ZHX3: variants seen among roughly 807,000 people sequenced by gnomAD.
ZHX3 encodes zinc fingers and homeoboxes 3.
ZHX3 carries 20 observed loss-of-function variants against 64.5 expected under a neutral mutation model. The ratio of observed to expected loss-of-function variants is 0.31; its 90% CI spans 0.22 to 0.45. The LOEUF (loss-of-function observed/expected upper bound fraction) is 0.45, where lower values mean the gene tolerates loss of function less well. Ranked by LOEUF, ZHX3 falls within the 20% of genes least tolerant of loss-of-function variation. The pLI, the probability that ZHX3 is intolerant of heterozygous loss-of-function variation, is 1.00. For missense variants in ZHX3, 1,041 were observed against 1,195.8 expected, an observed-to-expected ratio of 0.87 and a Z score of 1.91; for synonymous variants, 423 against 461.6, an observed-to-expected ratio of 0.92 and a Z score of 1.07.
chr20:41,295,477 G>GA (rs2044462093), intron 1 of ZHX3, among the ~76,000 whole-genome samples: 1 of 152,012 alleles, frequency 6.6e-6, no homozygotes, highest in South Asian at 2.1e-4. Flanking sequence ...TAGGAAAAAA[G>GA]AAAATCCAAG....
chr20:41,268,066 C>T (rs955952680), intron 2 of ZHX3, among the ~76,000 whole-genome samples: 1 of 152,200 alleles, frequency 6.6e-6, no homozygotes, highest in Non-Finnish European at 1.5e-5. Flanking sequence ...CACCACAAGA[C>T]AGAAAGTTCC....
At chr20:41,301,392 T>A (rs1359398738) in intron 1 of ZHX3, among the ~76,000 whole-genome samples, 3 of 152,300 alleles carry the variant, frequency 2.0e-5, no homozygotes, top group African/African-American at 7.2e-5. Context: ...AGAATCTTAA[T>A]GCCTTGCTAT....
chr20:41,207,270 C>T (rs1440492190), intron 2 of ZHX3, among the ~76,000 whole-genome samples: 2 of 152,146 alleles, frequency 1.3e-5, no homozygotes, highest in Admixed American at 6.5e-5. Flanking sequence ...CAGCTAACAT[C>T]ATAATGACAG....
intron 1 of ZHX3, among the ~76,000 whole-genome samples, chr20:41,287,057 T>C (rs1010635190): frequency 6.6e-6 from 1 of 152,228 alleles, no homozygotes; most frequent in African/African-American, 2.4e-5. Context: ...AGTATCTTTA[T>C]AGCAGTATAA....
chr20:41,186,148 C>G (rs1476369685), intron 3 of ZHX3, among the ~76,000 whole-genome samples: 2 of 152,188 alleles, frequency 1.3e-5, no homozygotes, highest in East Asian at 1.9e-4. Flanking sequence ...CATTAAACAA[C>G]AACTCCCCAT....
chr20:41,266,990 G>A (rs2042894207), intron 2 of ZHX3, among the ~76,000 whole-genome samples: 1 of 151,384 alleles, frequency 6.6e-6, no homozygotes, highest in South Asian at 2.1e-4. Flanking sequence ...GATTACAGGC[G>A]CCTGCCACCA....
chr20:41,280,308 T>C (rs1353196522), intron 1 of ZHX3, among the ~76,000 whole-genome samples: 3 of 152,138 alleles, frequency 2.0e-5, no homozygotes, highest in African/African-American at 7.2e-5. Flanking sequence ...AAATACCAAT[T>C]GCCTGGGCCC....
chr20:41,277,406 C>T (rs1020274105), intron 1 of ZHX3, among the ~76,000 whole-genome samples: 11 of 152,076 alleles, frequency 7.2e-5, no homozygotes, highest in African/African-American at 2.7e-4. Flanking sequence ...GTTGCATCTA[C>T]GTGGCTAATA....
intron 2 of ZHX3, among the ~76,000 whole-genome samples, chr20:41,254,918 A>G (rs2042162806): frequency 1.3e-5 from 2 of 152,100 alleles, no homozygotes; most frequent in Non-Finnish European, 2.9e-5. Flanking sequence ...GCTACAGGAA[A>G]GGTACTACAA....
intron 1 of ZHX3, among the ~76,000 whole-genome samples, chr20:41,302,582 C>T (rs2044856008): frequency 6.6e-6 from 1 of 152,248 alleles, no homozygotes; most frequent in Non-Finnish European, 1.5e-5. Context: ...AACACCCACA[C>T]ACACCCAATT....
chr20:41,265,594 T>C (rs1347270308), intron 2 of ZHX3, among the ~76,000 whole-genome samples: 4 of 152,232 alleles, frequency 2.6e-5, no homozygotes, highest in Non-Finnish European at 5.9e-5. Flanking sequence ...ATGAAATTCA[T>C]TGTGCAGCTT....
At chr20:41,313,600 T>TC (rs2045205501) in intron 1 of ZHX3, among the ~76,000 whole-genome samples, 1 of 140,878 alleles carries the variant, frequency 7.1e-6, no homozygotes, top group Non-Finnish European at 1.5e-5. Flanking sequence ...GGCCTTTTTT[T>TC]TTTTTTTTTT....
intron 2 of ZHX3, among the ~76,000 whole-genome samples, chr20:41,235,192 CAA>C (rs2040889688): frequency 6.6e-6 from 1 of 151,294 alleles, no homozygotes; most frequent in Admixed American, 6.6e-5. Context: ...CTATGGCAAA[CAA>C]CAACAACAAA....
chr20:41,236,777 T>G (rs1279714684), intron 2 of ZHX3, among the ~76,000 whole-genome samples: 2 of 152,060 alleles, frequency 1.3e-5, no homozygotes, highest in Non-Finnish European at 2.9e-5. Flanking sequence ...AAATGGGATC[T>G]AATTGAAGAG....
intron 3 of ZHX3, among the ~76,000 whole-genome samples, chr20:41,188,842 G>A (rs79488172): frequency 0.074 from 11,244 of 152,204 alleles, 454 homozygotes; most frequent in Middle Eastern, 0.17. Context: ...TTGCTATGCA[G>A]AAGATTTTTA....
chr20:41,240,919 TGGGCACATA>T (rs1335717504), intron 2 of ZHX3, among the ~76,000 whole-genome samples: 5 of 152,262 alleles, frequency 3.3e-5, no homozygotes, highest in Admixed American at 1.3e-4. Flanking sequence ...CATCTGTTGA[TGGGCACATA>T]GGTTGCCTTC....
At chr20:41,298,089 T>G (rs1478069916) in intron 1 of ZHX3, among the ~76,000 whole-genome samples, 1 of 152,138 alleles carries the variant, frequency 6.6e-6, no homozygotes, top group African/African-American at 2.4e-5. Context: ...TTTTTTTTAT[T>G]TATATTTTAA....
intron 1 of ZHX3, among the ~76,000 whole-genome samples, chr20:41,305,620 T>G (rs550222839): frequency 6.6e-6 from 1 of 151,120 alleles, no homozygotes; most frequent in East Asian, 2.0e-4. Context: ...CCGTCTCTAC[T>G]AAAAATACAA....
At chr20:41,297,286 T>C (rs924032052) in intron 1 of ZHX3, among the ~76,000 whole-genome samples, 3 of 152,294 alleles carry the variant, frequency 2.0e-5, no homozygotes, top group Middle Eastern at 3.4e-3. Flanking sequence ...TAGGCCTGAG[T>C]TGGTCCCACA....
Sources: gnomAD v4.1 joint callset for allele counts (sites outside exome capture counted in the v4.1 genomes callset) on GRCh38, gnomAD v4.1.1 for gene constraint, MANE v1.5 for transcripts, NCBI Gene and HGNC (gene_info 2026-07-23, HGNC 2026-07-21) for gene names.